The following HNMT variants were observed in gnomAD, a reference collection of about 807,000 sequenced individuals.
HNMT encodes the protein histamine N-methyltransferase.
In HNMT, 30 loss-of-function variants were observed where a neutral mutation model predicts 32.1. The observed-to-expected ratio is 0.93, with a 90% CI of 0.70 to 1.27. The LOEUF (loss-of-function observed/expected upper bound fraction) is 1.27. Among genes scored for constraint, HNMT ranks in the 50% most tolerant of loss-of-function variants. The probability of loss-of-function intolerance (pLI) is 0.00; values close to 1 mark genes in which losing one functional copy is unlikely to be tolerated. For missense variants in HNMT, 327 were observed against 346.0 expected (o/e 0.95, Z 0.43); for synonymous variants, 125 against 119.0 (o/e 1.05, Z -0.33).
intron 2 of HNMT, among the ~76,000 whole-genome samples, chr2:137,977,552 C>G (rs13391859): frequency 6.6e-6 from 1 of 151,238 alleles, no homozygotes; most frequent in Non-Finnish European, 1.5e-5. Flanking sequence ...AGAGAAACGA[C>G]GAAAAAATAT....
chr2:137,964,772 C>G, intron 1 of HNMT, 144 bp downstream of exon 1: 1 of 722,714 alleles, frequency 1.4e-6, no homozygotes, highest in Non-Finnish European at 2.3e-6. Flanking sequence ...CCCCTCCTCG[C>G]TGCCCTGCCC....
chr2:137,976,556 A>G (rs1010496104), intron 2 of HNMT, among the ~76,000 whole-genome samples: 2 of 152,158 alleles, frequency 1.3e-5, no homozygotes, highest in South Asian at 2.1e-4. Flanking sequence ...CGGTATTCTA[A>G]TGGGGTTTCT....
chr2:137,983,270 C>T lies in HNMT; in HGVS notation c.190+13053C>T, dbSNP rs972754204. ...CTGCTCTTCTTCTTGGACTCAGCCT[C>T]CCCTGTCCTCACTACAGTCACTAAC... On this transcript the variant is annotated intron_variant, in intron 2 of 5. Transcript: ENST00000280097. Among the ~76,000 whole-genome samples the T allele has an allele frequency of 7.2e-5, 11 of 152,136 alleles. 1 individual carries two copies. The highest frequency in any genetic ancestry group is 2.4e-4 in the African/African-American group (10 of 41,440).
At chr2:137,986,456 G>T (rs1182484230) in intron 2 of HNMT, among the ~76,000 whole-genome samples, 1 of 152,022 alleles carries the variant, frequency 6.6e-6, no homozygotes, top group Non-Finnish European at 1.5e-5. Flanking sequence ...GAGTCTGAAG[G>T]CCAGAAATGA....
rs1311714340 is a variant in HNMT, at chr2:137,967,020, T to C, written c.137+2392T>C. On this transcript the variant is annotated intron_variant, in intron 1 of 5. Transcript: ENST00000280097. ...AAATCCCTTGGTTCTATGTTAATCG[T>C]TTGACTGGATATAGAACTCTATACT... is the stretch of plus-strand genomic sequence containing the variant. 1.0e-5 allele frequency: 8 copies of C among 773,944 alleles called. No homozygotes were observed. The East Asian group carries it at 1.9e-4, about 19-fold the overall frequency. 47.9% of individuals were successfully genotyped at this position (773,944 alleles called of 1,614,324 possible). A position where few individuals can be genotyped will look rare whatever the true frequency, so the allele number is the denominator to read the frequency against.
At chr2:137,976,924 A>G (rs1680305273) in intron 2 of HNMT, among the ~76,000 whole-genome samples, 1 of 152,208 alleles carries the variant, frequency 6.6e-6, no homozygotes, top group African/African-American at 2.4e-5. Context: ...TAGTGTTAGA[A>G]CACTGGAGTG....
At chr2:137,990,849 C>T (rs1486363111) in intron 2 of HNMT, among the ~76,000 whole-genome samples, 3 of 151,954 alleles carry the variant, frequency 2.0e-5, no homozygotes, top group African/African-American at 7.3e-5. Context: ...GCAGCAGATA[C>T]TTCCAGGTAT....
chr2:137,967,018 C>T (rs372991436), intron 1 of HNMT: 8 of 772,342 alleles, frequency 1.0e-5, no homozygotes, highest in Non-Finnish European at 1.9e-5. Context: ...CTATGTTAAT[C>T]GTTTGACTGG....
chr2:137,974,719 A>G (rs1432499935), intron 2 of HNMT, among the ~76,000 whole-genome samples: 2 of 152,150 alleles, frequency 1.3e-5, no homozygotes, highest in African/African-American at 4.8e-5. Context: ...TCCTACTTCT[A>G]TTTTCATTAA....
chr2:137,964,682 C>A lies in HNMT; in HGVS notation c.137+54C>A, dbSNP rs1227716636. On this transcript the variant is annotated intron_variant, in intron 1 of 5. Transcript: ENST00000280097. ...GACAAGCCTCAGACTGGCTGTGCGT[C>A]AGTGATAGATGGGTCTCGCTCAGCC... 1.4e-5 allele frequency: 22 copies of A among 1,584,412 alleles called. No individual in the cohort carries two copies. In the East Asian group the frequency reaches 4.7e-4, roughly 34 times the overall value.
intron 2 of HNMT, among the ~76,000 whole-genome samples, chr2:137,995,811 T>A (rs1680974661): frequency 6.6e-6 from 1 of 151,962 alleles, no homozygotes; most frequent in Non-Finnish European, 1.5e-5. Context: ...TTAAAAAAAA[T>A]TATCCACCAC....
At chr2:137,982,360 T>G (rs936071980) in intron 2 of HNMT, among the ~76,000 whole-genome samples, 23 of 152,204 alleles carry the variant, frequency 1.5e-4, no homozygotes, top group African/African-American at 5.5e-4. Context: ...CTTCATTGAA[T>G]GTAAGTGTGA....
At chr2:137,976,951 G>A (rs1422151055) in intron 2 of HNMT, among the ~76,000 whole-genome samples, 4 of 152,162 alleles carry the variant, frequency 2.6e-5, no homozygotes, top group Non-Finnish European at 4.4e-5. Context: ...ATTAAAAGCA[G>A]AGTAAACAAG....
At chr2:137,983,867 A>G (rs1440681644) in intron 2 of HNMT, among the ~76,000 whole-genome samples, 1 of 152,192 alleles carries the variant, frequency 6.6e-6, no homozygotes, top group Non-Finnish European at 1.5e-5. Context: ...GAAGAGTAGG[A>G]GGATAGGGAA....
At chr2:138,002,252 T>C in intron 4 of HNMT, 58 bp downstream of exon 4, 1 of 1,184,588 alleles carries the variant, frequency 8.4e-7, no homozygotes, top group South Asian at 2.2e-5. Context: ...AATATATATA[T>C]AATGAATATC....
Position 138,005,172 on chromosome 2 carries a change from T to C in HNMT, c.470T>C (p.Phe157Ser). The change falls in exon 5 of 6, where the codon TTC (phenylalanine) becomes TCC (serine). Residue 157 changes from phenylalanine (F) to serine (S), a missense_variant. Physicochemically the swap from Phe to Ser is radical, Grantham distance 155. Coordinates refer to ENST00000280097, the MANE Select transcript of HNMT (RefSeq NM_006895.3). ...AAAGACATCCCAGCTACCCTGAAAT[T>C]CTTCCATAGTCTCTTAGGTACCAAT... is the stretch of plus-strand genomic sequence containing the variant. ...YVKDIPATLKFFHSLLGTNAK... is the reference protein window; with the variant it reads ...YVKDIPATLKSFHSLLGTNAK... 1.2e-6 allele frequency: 2 copies of C among 1,604,434 alleles called. No individual in the cohort carries two copies. Among genetic ancestry groups the C allele is most frequent in the Non-Finnish European group, 1.7e-6 (2 of 1,171,752 alleles).
intron 5 of HNMT, among the ~76,000 whole-genome samples, chr2:138,010,781 G>A (rs1432321107): frequency 6.6e-5 from 10 of 152,080 alleles, no homozygotes; most frequent in Admixed American, 6.6e-4. Context: ...AAGAACAAGA[G>A]AGTTGGATTT....
intron 2 of HNMT, among the ~76,000 whole-genome samples, chr2:137,970,952 A>T (rs1680115646): frequency 6.7e-6 from 1 of 149,414 alleles, no homozygotes. Flanking sequence ...AAAGAAAGAA[A>T]GAAAGAAAGA....
At chr2:137,988,448 A>C (rs990607914) in intron 2 of HNMT, 1 of 152,246 alleles carries the variant, frequency 6.6e-6, no homozygotes, top group African/African-American at 2.4e-5. Context: ...GATGGATAGC[A>C]AACAGCATGG....
Sources: allele counts gnomAD v4.1 joint callset (sites outside exome capture counted in the v4.1 genomes callset), GRCh38; gene constraint gnomAD v4.1.1; transcripts MANE v1.5; gene names NCBI Gene and HGNC (gene_info 2026-07-23, HGNC 2026-07-21).